DNAH7: variants seen among roughly 807,000 people sequenced by gnomAD.
DNAH7 encodes dynein axonemal heavy chain 7, also known as axonemal beta dynein heavy chain 7.
DNAH7 carries 397 observed loss-of-function variants against 444.6 expected under a neutral mutation model. That is an observed-to-expected ratio of 0.89 (90% confidence interval 0.82 to 0.97). DNAH7 has a LOEUF of 0.97. Ranked by LOEUF, DNAH7 falls within the 50% of genes least tolerant of loss-of-function variation. The probability of loss-of-function intolerance (pLI) is 0.00; values close to 1 mark genes in which losing one functional copy is unlikely to be tolerated. For synonymous variants in DNAH7, 1,636 were observed against 1,624.4 expected (o/e 1.01, Z -0.17); for missense variants, 4,902 against 4,800.8 (o/e 1.02, Z -0.62).
chr2:195,925,874 T>G (rs557592891), intron 22 of DNAH7, among the ~76,000 whole-genome samples: 1 of 152,236 alleles, frequency 6.6e-6, no homozygotes, highest in East Asian at 1.9e-4. Context: ...ATTTTAGTTT[T>G]TCATTAACAA....
intron 55 of DNAH7, 126 bp from the exon 56 acceptor site, chr2:195,796,863 C>T: frequency 9.5e-6 from 9 of 945,918 alleles, no homozygotes; most frequent in Non-Finnish European, 1.4e-5. Flanking sequence ...AAAAGCCAAA[C>T]ACATGCATCC....
At chr2:196,062,242 CAT>C (rs1698170030) in intron 1 of DNAH7, among the ~76,000 whole-genome samples, 1 of 152,188 alleles carries the variant, frequency 6.6e-6, no homozygotes, top group African/African-American at 2.4e-5. Flanking sequence ...TCTGCTCCCT[CAT>C]ATCTTCTCTT....
At chr2:195,951,459 C>G (rs895822266) in intron 19 of DNAH7, among the ~76,000 whole-genome samples, 2 of 152,122 alleles carry the variant, frequency 1.3e-5, no homozygotes. Flanking sequence ...ACTAGCCCTG[C>G]TTGGTCCACA....
At chr2:195,956,254 C>T (rs1040410128) in intron 19 of DNAH7, among the ~76,000 whole-genome samples, 2 of 151,954 alleles carry the variant, frequency 1.3e-5, no homozygotes, top group Non-Finnish European at 1.5e-5. Context: ...TATATTTTAT[C>T]AAAATACCAA....
At chr2:195,889,490 T>C (rs1228788298) in intron 31 of DNAH7, among the ~76,000 whole-genome samples, 1 of 151,976 alleles carries the variant, frequency 6.6e-6, no homozygotes, top group Non-Finnish European at 1.5e-5. Context: ...AAATTTTTTA[T>C]TTCTTGTGGT....
intron 63 of DNAH7, among the ~76,000 whole-genome samples, chr2:195,748,831 T>C (rs1046297037): frequency 4.6e-5 from 7 of 152,116 alleles, no homozygotes; most frequent in Non-Finnish European, 8.8e-5. Context: ...ATACAAAAAT[T>C]AATTCAAGAT....
chr2:195,879,150 A>C (rs1701224871), intron 36 of DNAH7, among the ~76,000 whole-genome samples: 1 of 152,232 alleles, frequency 6.6e-6, no homozygotes. Flanking sequence ...ATACAAAAGT[A>C]TGACTCATTA....
chr2:196,017,528 G>A (rs1695106466), intron 9 of DNAH7, among the ~76,000 whole-genome samples: 1 of 150,598 alleles, frequency 6.6e-6, no homozygotes, highest in Non-Finnish European at 1.5e-5. Context: ...CCAAATATAA[G>A]CACATGCCAT....
chr2:195,794,307 G>C (rs1390662785), intron 57 of DNAH7, 31 bp downstream of exon 57: 2 of 1,610,446 alleles, frequency 1.2e-6, no homozygotes, highest in East Asian at 4.5e-5. Context: ...GCTTTACAGG[G>C]CCGAGGTAAC....
chr2:195,972,604 A>C (rs1261746681), intron 15 of DNAH7, 138 bp from the exon 16 acceptor site: 3 of 612,616 alleles, frequency 4.9e-6, no homozygotes, highest in East Asian at 5.5e-5. Flanking sequence ...GGACTACAGC[A>C]TAGTTTCCTT....
chr2:195,833,514 T>C (rs753110780), intron 48 of DNAH7, among the ~76,000 whole-genome samples: 1 of 152,228 alleles, frequency 6.6e-6, no homozygotes, highest in Non-Finnish European at 1.5e-5. Context: ...TGTAGTTTCA[T>C]AAGGGCTTAC....
intron 36 of DNAH7, among the ~76,000 whole-genome samples, chr2:195,880,352 G>A (rs1336235310): frequency 7.2e-6 from 1 of 139,314 alleles, no homozygotes; most frequent in African/African-American, 2.8e-5. Context: ...TTTTTGAGAC[G>A]GAGTCTCACT....
chr2:195,850,553 T>C (rs1208869668), intron 46 of DNAH7, among the ~76,000 whole-genome samples: 1 of 152,212 alleles, frequency 6.6e-6, no homozygotes, highest in Non-Finnish European at 1.5e-5. Context: ...GATTTTCCTA[T>C]GTTTTATTTA....
intron 46 of DNAH7, among the ~76,000 whole-genome samples, chr2:195,845,665 A>T (rs1419770816): frequency 6.6e-6 from 1 of 152,246 alleles, no homozygotes; most frequent in East Asian, 1.9e-4. Flanking sequence ...GCAAAAACAT[A>T]GATGAATGGA....
At chr2:195,800,679 A>T (rs766640377) in intron 54 of DNAH7, among the ~76,000 whole-genome samples, 4 of 152,194 alleles carry the variant, frequency 2.6e-5, no homozygotes, top group South Asian at 2.1e-4. Context: ...CCTCACTCAC[A>T]TCAAACAAAT....
chr2:195,884,985 G>A (rs1294266410), intron 34 of DNAH7, among the ~76,000 whole-genome samples, 176 bp from the exon 35 acceptor site: 4 of 152,060 alleles, frequency 2.6e-5, no homozygotes, highest in African/African-American at 9.7e-5. Flanking sequence ...AAATCAAATC[G>A]CATGCTTATA....
chr2:196,052,357 C>T (rs945694963), intron 2 of DNAH7, among the ~76,000 whole-genome samples: 1 of 152,196 alleles, frequency 6.6e-6, no homozygotes. Context: ...TATGCACTAG[C>T]CCCCTGTAAC....
intron 12 of DNAH7, among the ~76,000 whole-genome samples, chr2:195,988,693 CA>C (rs1693090771): frequency 6.6e-6 from 1 of 152,068 alleles, no homozygotes; most frequent in South Asian, 2.1e-4. Flanking sequence ...TAAAAATACT[CA>C]AAATCCTCCC....
chr2:195,920,994 G>A (rs970683040), intron 24 of DNAH7, among the ~76,000 whole-genome samples: 2 of 152,142 alleles, frequency 1.3e-5, no homozygotes, highest in Middle Eastern at 3.2e-3. Flanking sequence ...TCAGGGAAAT[G>A]CAAATCAAAA....
Sources: allele counts gnomAD v4.1 joint callset (sites outside exome capture counted in the v4.1 genomes callset), GRCh38; gene constraint gnomAD v4.1.1; transcripts MANE v1.5; gene names NCBI Gene and HGNC (gene_info 2026-07-23, HGNC 2026-07-21).